Variants in UBE3C observed in about 807,000 individuals in gnomAD.
UBE3C encodes the protein ubiquitin protein ligase E3C, also known as ubiquitin-protein ligase E3C.
UBE3C carries 42 observed loss-of-function variants against 129.4 expected under a neutral mutation model. The ratio of observed to expected loss-of-function variants is 0.32; its 90% CI spans 0.25 to 0.42. The LOEUF (loss-of-function observed/expected upper bound fraction) is 0.42. Among genes scored for constraint, UBE3C ranks in the 10% least tolerant of loss-of-function variants. The pLI, the probability that UBE3C is intolerant of heterozygous loss-of-function variation, is 1.00. For synonymous variants in UBE3C, 510 were observed against 492.4 expected (o/e 1.04, Z -0.47); for missense variants, 1,049 against 1,319.1 (o/e 0.80, Z 3.17).
Position 157,174,875 on chromosome 7 carries a change from A to G in UBE3C, c.343-44A>G, listed in dbSNP as rs748339231. On this transcript the variant is annotated intron_variant, in intron 4 of 22. Transcript: ENST00000348165. ...GTATTATGTAAATTAGCAAACTATT[A>G]AATTTTCATTGAGAGTTGTATATTT... 2.0e-6 allele frequency: 3 copies of G among 1,470,078 alleles called. No individual in the cohort carries two copies. In the South Asian group the frequency reaches 3.9e-5, roughly 19 times the overall value. 91.1% of individuals were successfully genotyped at this position (1,470,078 alleles called of 1,614,324 possible).
At chr7:157,139,400 G>GGGACGCGGGGTT in intron 1 of UBE3C, 62 bp downstream of exon 1, 1 of 1,186,292 alleles carries the variant, frequency 8.4e-7, no homozygotes, top group South Asian at 1.7e-5. Flanking sequence ...GCTCGGGGCT[G>GGGACGCGGGGTT]GGACTCGGGG....
chr7:157,182,243 G>A lies in UBE3C; in HGVS notation c.906G>A (p.Leu302=), dbSNP rs1479733369. The A allele has an allele frequency of 1.9e-6, 3 of 1,614,098 alleles. No homozygotes were observed. The highest frequency in any genetic ancestry group is 2.5e-6 in the Non-Finnish European group (3 of 1,180,048). ...ACGAGCCCTTTCTGAATGCACTGTTGTTAATAGAGAGTAGATGTTCAAGAA... is the reference window on the plus strand; with the variant it reads ...ACGAGCCCTTTCTGAATGCACTGTTATTAATAGAGAGTAGATGTTCAAGAA... ...FPYEPFLNAL[L]LIESRCSRKS... is the part of the protein sequence containing the mutation. The change falls in exon 8 of 23, where the codon TTG becomes TTA. Residue 302 remains leucine, a synonymous_variant. Transcript: ENST00000348165.
At chr7:157,151,513 C>T (rs1187093183) in intron 1 of UBE3C, among the ~76,000 whole-genome samples, 1 of 152,094 alleles carries the variant, frequency 6.6e-6, no homozygotes. Context: ...TCTAGATGTG[C>T]CCTCCTGATC....
chr7:157,170,252 T>A, intron 3 of UBE3C, 52 bp from the exon 4 acceptor site: 1 of 1,365,608 alleles, frequency 7.3e-7, no homozygotes, highest in Admixed American at 3.0e-5. Flanking sequence ...TCATAAGAAT[T>A]GTGTGTCCAA....
At chr7:157,189,037 A>G (rs1479314481) in intron 10 of UBE3C, 1 of 478,132 alleles carries the variant, frequency 2.1e-6, no homozygotes, top group Non-Finnish European at 3.8e-6. Flanking sequence ...AAGACACAGG[A>G]CAGTATGTAG....
intron 10 of UBE3C, chr7:157,192,873 AAAAAGAAGGGATTATC>A: frequency 2.2e-6 from 2 of 905,476 alleles, no homozygotes; most frequent in Non-Finnish European, 3.5e-6. Context: ...TAAAAAAAAA[AAAAAGAAGGGATTATC>A]AAAGAAGACA....
intron 1 of UBE3C, among the ~76,000 whole-genome samples, chr7:157,140,984 G>A (rs1218629311): frequency 2.6e-5 from 4 of 152,192 alleles, no homozygotes; most frequent in African/African-American, 9.7e-5. Context: ...GAAGGAAAAG[G>A]CGTCTCAGCT....
rs11436417 is a variant in UBE3C, at chr7:157,257,742, C to CAAAAAAAAAAAA, written c.3081+708_3081+719dup. Among the ~76,000 whole-genome samples the CAAAAAAAAAAAA allele has an allele frequency of 2.1e-5, 2 of 95,534 alleles. 1 individual carries two copies. The highest frequency in any genetic ancestry group is 8.7e-5 in the African/African-American group (2 of 22,910). The allele number at this position is 95,534 out of a possible 152,430, so 62.7% of individuals were successfully genotyped here. ...GGGTGACAGAGTGAGACCCTGTCTC[C>CAAAAAAAAAAAA]AAAAAAAAAAAAAAAAAAAAATTGC... On this transcript the variant is annotated intron_variant, in intron 22 of 22. Transcript: ENST00000348165.
chr7:157,209,289 C>T (rs762796703), intron 13 of UBE3C, among the ~76,000 whole-genome samples: 23 of 152,144 alleles, frequency 1.5e-4, no homozygotes, highest in South Asian at 1.0e-3. Context: ...CAGCAGCAGC[C>T]GTAACTGATA....
chr7:157,187,395 T>TC (rs988697613), intron 10 of UBE3C, among the ~76,000 whole-genome samples: 1 of 151,288 alleles, frequency 6.6e-6, no homozygotes, highest in African/African-American at 2.4e-5. Context: ...TTTTTTTTCT[T>TC]CTTCTTCTTC....
intron 8 of UBE3C, among the ~76,000 whole-genome samples, chr7:157,183,642 G>A (rs1808727828): frequency 6.6e-6 from 1 of 152,152 alleles, no homozygotes; most frequent in Admixed American, 6.5e-5. Flanking sequence ...ACAAAGGGCT[G>A]GCTATGAATA....
At chr7:157,146,940 C>T (rs146936406) in intron 1 of UBE3C, among the ~76,000 whole-genome samples, 267 of 152,304 alleles carry the variant, frequency 1.8e-3, no homozygotes, top group Non-Finnish European at 3.3e-3. Context: ...AGTGAGACAC[C>T]GCGCCCAACC....
intron 10 of UBE3C, chr7:157,192,364 C>CA: frequency 1.5e-6 from 1 of 650,436 alleles, no homozygotes. Context: ...GAGCCGCCAC[C>CA]AAAATGCAGA....
In UBE3C at chr7:157,139,320, T is replaced by C; in HGVS notation, c.48T>C (p.Leu16=). 1.3e-6 allele frequency: 2 copies of C among 1,582,954 alleles called. No individual in the cohort carries two copies. The highest frequency in any genetic ancestry group is 2.3e-5 in the South Asian group (2 of 88,568). The part of the protein sequence containing the change: ...GDFKTRPKVS[L]GGASRKEEKA... ...TCAAGACGCGGCCCAAGGTGTCCCT[T>C]GGCGGCGCGAGCAGGAAGGTGAGGG... The change falls in exon 1 of 23, where the codon CTT becomes CTC. Residue 16 remains leucine, a synonymous_variant. Transcript: ENST00000348165.
At chr7:157,167,882 A>G (rs1429823857) in intron 2 of UBE3C, among the ~76,000 whole-genome samples, 1 of 152,172 alleles carries the variant, frequency 6.6e-6, no homozygotes, top group Non-Finnish European at 1.5e-5. Context: ...GCTGTCCAAC[A>G]GCAGTAGCAC....
chr7:157,224,792 A>ACACTCT (rs769953235), intron 16 of UBE3C, among the ~76,000 whole-genome samples: 9 of 139,280 alleles, frequency 6.5e-5, no homozygotes, highest in South Asian at 4.6e-4. Flanking sequence ...ACACACACAC[A>ACACTCT]CTCTCTCTCT....
At chr7:157,266,825 C>T (rs1007379749) in intron 22 of UBE3C, among the ~76,000 whole-genome samples, 5 of 152,160 alleles carry the variant, frequency 3.3e-5, no homozygotes, top group African/African-American at 9.7e-5. Context: ...ACCTCGACCT[C>T]CTGGGCTCAA....
chr7:157,162,009 G>T (rs1021831340), intron 1 of UBE3C, among the ~76,000 whole-genome samples: 2 of 151,764 alleles, frequency 1.3e-5, no homozygotes, highest in Non-Finnish European at 2.9e-5. Context: ...GGCAGAGGTT[G>T]CAGTGAGCCA....
At chr7:157,140,010 G>A in intron 1 of UBE3C, 1 of 985,446 alleles carries the variant, frequency 1.0e-6, no homozygotes, top group Non-Finnish European at 1.2e-6. Context: ...ACATTAAGTT[G>A]TTCGCATGGT....
Sources: gnomAD v4.1 joint callset for allele counts (sites outside exome capture counted in the v4.1 genomes callset) on GRCh38, gnomAD v4.1.1 for gene constraint, MANE v1.5 for transcripts, NCBI Gene and HGNC (gene_info 2026-07-23, HGNC 2026-07-21) for gene names.